The following SESTD1 variants were observed in gnomAD, a reference collection of about 807,000 sequenced individuals.
SESTD1 encodes SEC14 and spectrin domain containing 1.
In SESTD1, 43 loss-of-function variants were observed where a neutral mutation model predicts 101.7. The observed-to-expected ratio is 0.42, with a 90% CI of 0.33 to 0.55. The LOEUF (loss-of-function observed/expected upper bound fraction) is 0.55. Ranked by LOEUF, SESTD1 falls within the 20% of genes least tolerant of loss-of-function variation. SESTD1 has a pLI of 0.07. For synonymous variants in SESTD1, 283 were observed against 286.8 expected (o/e 0.99, Z 0.13); for missense variants, 647 against 815.1 (o/e 0.79, Z 2.51).
At chr2:179,222,645 T>C (rs554119629) in intron 1 of SESTD1, among the ~76,000 whole-genome samples, 1 of 152,330 alleles carries the variant, frequency 6.6e-6, no homozygotes, top group East Asian at 1.9e-4. Context: ...AATAACCCAA[T>C]GTTCTCACAT....
chr2:179,230,108 T>C (rs1215911862), intron 1 of SESTD1, among the ~76,000 whole-genome samples: 1 of 132,664 alleles, frequency 7.5e-6, no homozygotes, highest in African/African-American at 2.7e-5. Flanking sequence ...AACTGGATTG[T>C]ATCTCTTTTT....
chr2:179,169,138 T>C (rs2045886979), intron 5 of SESTD1, among the ~76,000 whole-genome samples: 1 of 152,150 alleles, frequency 6.6e-6, no homozygotes, highest in African/African-American at 2.4e-5. Context: ...TAAATAGTCT[T>C]ACCCATGAAA....
At chr2:179,252,701 G>A (rs2047336199) in intron 1 of SESTD1, among the ~76,000 whole-genome samples, 1 of 152,096 alleles carries the variant, frequency 6.6e-6, no homozygotes, top group Non-Finnish European at 1.5e-5. Flanking sequence ...ATTTTGCTGG[G>A]TCCACTAGAA....
At chr2:179,116,245 G>A (rs1314580629) in intron 15 of SESTD1, among the ~76,000 whole-genome samples, 1 of 150,894 alleles carries the variant, frequency 6.6e-6, no homozygotes, top group Non-Finnish European at 1.5e-5. Flanking sequence ...TTGCAGTCCA[G>A]CCTGGGCAAC....
chr2:179,211,015 C>T lies in SESTD1; in HGVS notation c.-25-19149G>A, dbSNP rs1409664198. ...TGCACAAAAATCAGTAGCACTGCTA[C>T]ACACCAACAGCAACGAAGCTGAGAA... On this transcript the variant is annotated intron_variant, in intron 1 of 17. Coordinates refer to ENST00000428443, the MANE Select transcript of SESTD1 (RefSeq NM_178123.5). Among the ~76,000 whole-genome samples the T allele has an allele frequency of 3.0e-5, 4 of 132,060 alleles. 1 individual carries two copies. The highest frequency in any genetic ancestry group is 6.4e-5 in the Non-Finnish European group (4 of 62,048). The allele number at this position is 132,060 out of a possible 152,430, so 86.6% of individuals were successfully genotyped here. A position where few individuals can be genotyped will look rare whatever the true frequency, so the allele number is the denominator to read the frequency against.
At chr2:179,257,047 T>C (rs1262105108) in intron 1 of SESTD1, among the ~76,000 whole-genome samples, 2 of 152,092 alleles carry the variant, frequency 1.3e-5, no homozygotes. Context: ...ACCCAGCATC[T>C]CATGCCACAG....
At chr2:179,217,456 C>A (rs905510448) in intron 1 of SESTD1, among the ~76,000 whole-genome samples, 2 of 151,916 alleles carry the variant, frequency 1.3e-5, no homozygotes, top group African/African-American at 2.4e-5. Flanking sequence ...GTTAGAATGG[C>A]GATTATTAAA....
intron 7 of SESTD1, among the ~76,000 whole-genome samples, chr2:179,147,157 G>GA (rs35908478): frequency 2.7e-5 from 4 of 148,000 alleles, no homozygotes; most frequent in Admixed American, 6.8e-5. Context: ...AAAGAAGGTT[G>GA]AAAAAAAAAA....
chr2:179,178,619 G>C (rs193047267), intron 3 of SESTD1, among the ~76,000 whole-genome samples: 2 of 152,094 alleles, frequency 1.3e-5, no homozygotes, highest in Admixed American at 6.6e-5. Flanking sequence ...GCCCAAGAGT[G>C]ATCAGCTAGG....
chr2:179,155,529 C>T (rs1460947632), intron 5 of SESTD1, among the ~76,000 whole-genome samples: 1 of 151,866 alleles, frequency 6.6e-6, no homozygotes, highest in Non-Finnish European at 1.5e-5. Context: ...GGTAAGAGGA[C>T]TGCTTGAGCC....
At chr2:179,216,906 G>A (rs1474873236) in intron 1 of SESTD1, among the ~76,000 whole-genome samples, 1 of 143,464 alleles carries the variant, frequency 7.0e-6, no homozygotes, top group East Asian at 1.9e-4. Flanking sequence ...TTAATAAATG[G>A]TGCTGGGAAA....
rs749077006 is a variant in SESTD1, at chr2:179,109,860, G to A, written c.*39C>T. 6.4e-5 allele frequency: 103 copies of A among 1,607,270 alleles called. 1 individual carries two copies. The East Asian group carries it at 1.1e-3, about 17-fold the overall frequency. The stretch of plus-strand genomic sequence containing the variant: ...ATGCTGTAGTATGTTGACAACATGC[G>A]GGATTATGAACTGCAAATCTGTAGG... On this transcript the variant is annotated 3_prime_UTR_variant, in exon 18 of 18. Coordinates refer to ENST00000428443, the MANE Select transcript of SESTD1 (RefSeq NM_178123.5).
chr2:179,244,708 C>T (rs570193968), intron 1 of SESTD1, among the ~76,000 whole-genome samples: 1 of 152,126 alleles, frequency 6.6e-6, no homozygotes, highest in South Asian at 2.1e-4. Flanking sequence ...AAAGAGGAAA[C>T]CACAGAAAAG....
chr2:179,139,572 G>A (rs2045231044), intron 9 of SESTD1, among the ~76,000 whole-genome samples: 3 of 152,106 alleles, frequency 2.0e-5, no homozygotes, highest in Non-Finnish European at 4.4e-5. Flanking sequence ...CCCCTTAACT[G>A]TTCTATAGAT....
intron 5 of SESTD1, among the ~76,000 whole-genome samples, chr2:179,161,965 T>C (rs989544151): frequency 3.3e-5 from 5 of 152,214 alleles, no homozygotes; most frequent in African/African-American, 1.2e-4. Context: ...CTTGATATGC[T>C]ACATAACAAT....
intron 1 of SESTD1, among the ~76,000 whole-genome samples, chr2:179,257,671 G>A (rs12617002): frequency 0.26 from 39,067 of 151,912 alleles, 5,442 homozygotes; most frequent in African/African-American, 0.38. Context: ...AAAGAATAGA[G>A]AAAAGAACCA....
chr2:179,141,011 T>C (rs2045264073), intron 9 of SESTD1, among the ~76,000 whole-genome samples: 1 of 152,298 alleles, frequency 6.6e-6, no homozygotes, highest in South Asian at 2.1e-4. Flanking sequence ...AGCACTCTTC[T>C]TACCTCTCTC....
chr2:179,197,542 T>C (rs1287372031), intron 1 of SESTD1, among the ~76,000 whole-genome samples: 5 of 152,092 alleles, frequency 3.3e-5, no homozygotes, highest in Non-Finnish European at 7.4e-5. Context: ...GGAAAAAATG[T>C]TAAGGGCAGC....
At chr2:179,121,090 T>G (rs534401874) in intron 13 of SESTD1, among the ~76,000 whole-genome samples, 38 of 152,320 alleles carry the variant, frequency 2.5e-4, no homozygotes, top group African/African-American at 8.9e-4. Context: ...GGGAAGAAAT[T>G]TCTGCCTCAT....
Sources: allele counts gnomAD v4.1 joint callset (sites outside exome capture counted in the v4.1 genomes callset), GRCh38; gene constraint gnomAD v4.1.1; transcripts MANE v1.5; gene names NCBI Gene and HGNC (gene_info 2026-07-23, HGNC 2026-07-21).